Variants in LRMDA observed in about 807,000 individuals in gnomAD.
LRMDA encodes the protein leucine-rich melanocyte differentiation-associated protein.
LRMDA carries 18 observed loss-of-function variants against 29.8 expected under a neutral mutation model. The ratio of observed to expected loss-of-function variants is 0.60; its 90% confidence interval spans 0.42 to 0.90. LRMDA has a LOEUF of 0.90. LRMDA is among the 40% of genes least tolerant of loss of function. LRMDA has a pLI of 0.00. For synonymous variants in LRMDA, 125 were observed against 109.4 expected, an observed-to-expected ratio of 1.14 and a Z score of -0.89; for missense variants, 273 against 273.9, an observed-to-expected ratio of 1.00 and a Z score of 0.02.
chr10:76,136,263 T>C (rs1850092407), intron 5 of LRMDA, among the ~76,000 whole-genome samples: 1 of 151,980 alleles, frequency 6.6e-6, no homozygotes. Flanking sequence ...AAGCTCAGAG[T>C]GTGGCCATTT....
chr10:76,145,130 C>T (rs529934521), intron 5 of LRMDA, among the ~76,000 whole-genome samples: 28 of 152,172 alleles, frequency 1.8e-4, no homozygotes, highest in Non-Finnish European at 3.2e-4. Context: ...CAATGTTCGT[C>T]AAGGATATTG....
intron 2 of LRMDA, among the ~76,000 whole-genome samples, chr10:75,926,312 G>A (rs1018828986): frequency 1.1e-4 from 17 of 152,192 alleles, no homozygotes; most frequent in African/African-American, 3.9e-4. Flanking sequence ...GGAGAGAAAA[G>A]ATGAAACAGT....
intron 2 of LRMDA, among the ~76,000 whole-genome samples, chr10:75,462,988 C>T (rs1364205307): frequency 6.6e-6 from 1 of 152,182 alleles, no homozygotes; most frequent in Non-Finnish European, 1.5e-5. Flanking sequence ...CTGTTAGTAT[C>T]ACTGAGCTCC....
At chr10:75,960,771 G>A (rs957259202) in intron 2 of LRMDA, among the ~76,000 whole-genome samples, 10 of 151,932 alleles carry the variant, frequency 6.6e-5, no homozygotes, top group South Asian at 4.2e-4. Context: ...GTGCCACCAC[G>A]CCTGGCTAAT....
At chr10:76,468,235 A>G (rs1373572859) in intron 6 of LRMDA, among the ~76,000 whole-genome samples, 6 of 152,222 alleles carry the variant, frequency 3.9e-5, no homozygotes, top group Admixed American at 3.9e-4. Flanking sequence ...TGTCACCAAA[A>G]TTAATTTCAT....
chr10:76,219,336 C>T (rs190158178), intron 5 of LRMDA, among the ~76,000 whole-genome samples: 38 of 152,212 alleles, frequency 2.5e-4, no homozygotes, highest in African/African-American at 8.7e-4. Flanking sequence ...GATAAAAATT[C>T]GAGACCCATC....
At chr10:75,640,284 C>G (rs933850629) in intron 2 of LRMDA, among the ~76,000 whole-genome samples, 1 of 152,160 alleles carries the variant, frequency 6.6e-6, no homozygotes, top group African/African-American at 2.4e-5. Context: ...CTGCTTCCCC[C>G]CATTAGGCAG....
chr10:75,663,766 G>A (rs1294577619), intron 2 of LRMDA, among the ~76,000 whole-genome samples: 1 of 152,152 alleles, frequency 6.6e-6, no homozygotes, highest in Non-Finnish European at 1.5e-5. Context: ...GCTTCCTAAT[G>A]TGTGTATTCC....
intron 6 of LRMDA, among the ~76,000 whole-genome samples, chr10:76,370,780 G>A (rs757728735): frequency 9.9e-5 from 15 of 152,050 alleles, no homozygotes; most frequent in Non-Finnish European, 1.6e-4. Flanking sequence ...TAAGTGGAGA[G>A]CACACCAAAT....
intron 2 of LRMDA, among the ~76,000 whole-genome samples, chr10:75,751,001 G>A (rs554672875): frequency 2.4e-4 from 36 of 152,294 alleles, no homozygotes; most frequent in Admixed American, 9.2e-4. Flanking sequence ...CCGAGATCAC[G>A]CCACTGCACT....
chr10:75,952,016 C>T (rs1486831528), intron 2 of LRMDA, among the ~76,000 whole-genome samples: 2 of 152,144 alleles, frequency 1.3e-5, no homozygotes, highest in Non-Finnish European at 2.9e-5. Context: ...AATCTAATGA[C>T]TTTTAAATAG....
At chr10:76,385,673 T>C (rs11597123) in intron 6 of LRMDA, among the ~76,000 whole-genome samples, 4,931 of 152,310 alleles carry the variant, frequency 0.032, 93 homozygotes, top group African/African-American at 0.058. Context: ...GTCTTCCTTC[T>C]GTTGAAGTTT....
chr10:76,439,656 G>A (rs1028860990), intron 6 of LRMDA, among the ~76,000 whole-genome samples: 28 of 152,222 alleles, frequency 1.8e-4, no homozygotes, highest in Non-Finnish European at 3.5e-4. Flanking sequence ...AAGATCAGGA[G>A]TGCTCCTTGA....
chr10:75,951,039 G>A (rs946408101), intron 2 of LRMDA, among the ~76,000 whole-genome samples: 24 of 152,096 alleles, frequency 1.6e-4, no homozygotes, highest in African/African-American at 5.8e-4. Context: ...GCCCAATATC[G>A]CCTGTGAACT....
intron 6 of LRMDA, among the ~76,000 whole-genome samples, chr10:76,458,852 G>A (rs1334971759): frequency 2.6e-5 from 4 of 152,008 alleles, no homozygotes; most frequent in Admixed American, 6.6e-5. Flanking sequence ...AAGAAGATTC[G>A]GCATTTGATG....
chr10:75,556,239 A>T (rs1259026701), intron 2 of LRMDA, among the ~76,000 whole-genome samples: 2 of 152,222 alleles, frequency 1.3e-5, no homozygotes, highest in Admixed American at 6.5e-5. Flanking sequence ...AAGAAAAAAA[A>T]ATCAAGATTG....
At chr10:76,432,039 A>T (rs1842196434) in intron 6 of LRMDA, among the ~76,000 whole-genome samples, 1 of 152,202 alleles carries the variant, frequency 6.6e-6, no homozygotes, top group Admixed American at 6.5e-5. Flanking sequence ...TGTCTTTATC[A>T]GCAGTGTGAA....
At chr10:75,564,880 A>G (rs1232134838) in intron 2 of LRMDA, among the ~76,000 whole-genome samples, 1 of 152,246 alleles carries the variant, frequency 6.6e-6, no homozygotes. Context: ...GGGATTCACC[A>G]GATTGTAACA....
chr10:75,702,808 A>G (rs1005677045), intron 2 of LRMDA, among the ~76,000 whole-genome samples: 14 of 152,324 alleles, frequency 9.2e-5, no homozygotes, highest in African/African-American at 2.6e-4. Flanking sequence ...GTTGTGGTAT[A>G]GTTTTCATGT....
Sources: gnomAD v4.1 joint callset for allele counts (sites outside exome capture counted in the v4.1 genomes callset) on GRCh38, gnomAD v4.1.1 for gene constraint, MANE v1.5 for transcripts, NCBI Gene and HGNC (gene_info 2026-07-23, HGNC 2026-07-21) for gene names.